C1GALT1: variants seen among roughly 807,000 people sequenced by gnomAD.
The protein encoded by C1GALT1 is core 1 synthase, glycoprotein-N-acetylgalactosamine 3-beta-galactosyltransferase 1.
C1GALT1 carries 11 observed loss-of-function variants against 31.0 expected under a neutral mutation model. The observed-to-expected ratio is 0.36, with a 90% CI of 0.22 to 0.59. The LOEUF (loss-of-function observed/expected upper bound fraction) is 0.59. Ranked by LOEUF, C1GALT1 falls within the 20% of genes least tolerant of loss-of-function variation. The pLI, the probability that C1GALT1 is intolerant of heterozygous loss-of-function variation, is 0.79. For missense variants in C1GALT1, 424 were observed against 425.2 expected (o/e 1.00, Z 0.03); for synonymous variants, 175 against 143.6 (o/e 1.22, Z -1.56).
At position 7,238,438 on chromosome 7, in the gene C1GALT1, A is replaced by T; in HGVS notation, c.404A>T (p.Lys135Ile). Residue 135 changes from lysine (K) to isoleucine (I), a missense_variant, in exon 3 of 4, where the codon AAA becomes ATA. Physicochemically the swap from Lys to Ile is moderately radical, Grantham distance 102. This residue lies in a region of C1GALT1 where 189 missense variants were observed against 158.2 expected (regional missense o/e 1.19). Transcript: ENST00000436587. The surrounding 1 kb of genome is among the most constrained non-coding windows in gnomAD (Gnocchi z 5.2). ...ENKDFPAVGL[K>I]TKEGRDQLYW... Reference sequence around the variant, plus strand: ...AAAGACTTCCCTGCTGTGGGACTGAAAACCAAAGAAGGCAGAGATCAACTA... The same window carrying T: ...AAAGACTTCCCTGCTGTGGGACTGATAACCAAAGAAGGCAGAGATCAACTA... 1.2e-6 allele frequency: 2 copies of T among 1,613,934 alleles called. No individual in the cohort carries two copies. Among genetic ancestry groups the T allele is most frequent in the Non-Finnish European group, 1.7e-6 (2 of 1,179,966 alleles).
intron 1 of C1GALT1, among the ~76,000 whole-genome samples, chr7:7,183,073 A>G (rs557713390): frequency 9.1e-4 from 139 of 152,226 alleles, no homozygotes; most frequent in African/African-American, 3.2e-3. Context: ...TTTTGTGGAC[A>G]TGTACCCTCC....
chr7:7,161,510 A>G (rs1387716595), intron 2 of C1GALT1, among the ~76,000 whole-genome samples: 2 of 152,152 alleles, frequency 1.3e-5, no homozygotes, highest in African/African-American at 4.8e-5. Flanking sequence ...ACTTTTTATT[A>G]TAAGAGTTGC....
intron 2 of C1GALT1, among the ~76,000 whole-genome samples, chr7:7,237,576 A>T (rs1046686384): frequency 2.6e-5 from 4 of 152,176 alleles, no homozygotes; most frequent in Non-Finnish European, 5.9e-5. Flanking sequence ...TGGAATTCCC[A>T]TGTCTACCAT....
intron 1 of C1GALT1, among the ~76,000 whole-genome samples, chr7:7,187,064 G>C (rs4720727): frequency 0.54 from 82,456 of 152,070 alleles, 24,099 homozygotes; most frequent in East Asian, 0.95. Context: ...AATGTTGTTG[G>C]AGTAGTTAAA....
chr7:7,183,102 C>T (rs1035225437), intron 1 of C1GALT1, among the ~76,000 whole-genome samples: 63 of 152,270 alleles, frequency 4.1e-4, no homozygotes, highest in Non-Finnish European at 8.2e-4. Context: ...GTGGGTCCTT[C>T]CCTTGTGCCC....
intron 1 of C1GALT1, among the ~76,000 whole-genome samples, chr7:7,229,580 G>A (rs1286110923): frequency 2.0e-5 from 3 of 152,032 alleles, no homozygotes; most frequent in African/African-American, 7.3e-5. Flanking sequence ...GTTCTCTCTG[G>A]CTGTTTGAAT....
At chr7:7,231,385 T>G (rs1783064965) in intron 1 of C1GALT1, among the ~76,000 whole-genome samples, 1 of 152,144 alleles carries the variant, frequency 6.6e-6, no homozygotes, top group South Asian at 2.1e-4. Context: ...TATTCAGTCA[T>G]TATTTCTTTA....
At chr7:7,233,459 G>C (rs1783184790) in intron 1 of C1GALT1, among the ~76,000 whole-genome samples, 1 of 152,138 alleles carries the variant, frequency 6.6e-6, no homozygotes. Context: ...ACCATGCCCA[G>C]CTAATTTTTT....
chr7:7,168,021 T>G (rs563057763), intron 2 of C1GALT1, among the ~76,000 whole-genome samples: 1 of 152,224 alleles, frequency 6.6e-6, no homozygotes. Context: ...TAAAGAAGCA[T>G]GTTCTCCACA....
chr7:7,200,582 G>C (rs2128235462), intron 1 of C1GALT1, among the ~76,000 whole-genome samples: 1 of 152,288 alleles, frequency 6.6e-6, no homozygotes, highest in South Asian at 2.1e-4. Flanking sequence ...ATTATATCCT[G>C]AAGAGTGTTT....
At chr7:7,196,733 T>C (rs948380887) in intron 1 of C1GALT1, among the ~76,000 whole-genome samples, 1 of 152,204 alleles carries the variant, frequency 6.6e-6, no homozygotes, top group Admixed American at 6.5e-5. Context: ...CTGTTGTTTC[T>C]TGACTTTTTA....
chr7:7,234,089 C>A (rs891950761), intron 1 of C1GALT1, among the ~76,000 whole-genome samples: 10 of 152,184 alleles, frequency 6.6e-5, no homozygotes, highest in African/African-American at 2.2e-4. Flanking sequence ...ATCCATACCC[C>A]ACCCCAACTG....
At chr7:7,218,155 C>T (rs1782335120) in intron 1 of C1GALT1, among the ~76,000 whole-genome samples, 1 of 152,084 alleles carries the variant, frequency 6.6e-6, no homozygotes, top group East Asian at 1.9e-4. Flanking sequence ...AAGTTAGTTA[C>T]AGGTCTGTGG....
At chr7:7,214,336 TCATG>T (rs1183796895) in intron 1 of C1GALT1, among the ~76,000 whole-genome samples, 2 of 152,156 alleles carry the variant, frequency 1.3e-5, no homozygotes, top group Non-Finnish European at 2.9e-5. Flanking sequence ...TTAGGACCTC[TCATG>T]CATGCATTAA....
chr7:7,231,847 G>A (rs952683491), intron 1 of C1GALT1, among the ~76,000 whole-genome samples: 41 of 152,026 alleles, frequency 2.7e-4, no homozygotes, highest in African/African-American at 9.2e-4. Context: ...TATTTCTCCA[G>A]GAGAATATTT....
chr7:7,236,890 G>A (rs2128250246), intron 2 of C1GALT1, among the ~76,000 whole-genome samples: 1 of 152,252 alleles, frequency 6.6e-6, no homozygotes, highest in Non-Finnish European at 1.5e-5. Flanking sequence ...TGGTTAACTA[G>A]TATATTATAT....
Position 7,238,694 on chromosome 7 carries a change from G to A in C1GALT1, c.660G>A (p.Leu220=). The A allele has an allele frequency of 1.2e-6, 2 of 1,614,046 alleles. No individual in the cohort carries two copies. The highest frequency in any genetic ancestry group is 2.2e-5 in the East Asian group (1 of 44,870). Residue 220 remains leucine (L), a synonymous_variant, in exon 3 of 4, where the codon TTG becomes TTA. Coordinates refer to ENST00000436587, the MANE Select transcript of C1GALT1 (RefSeq NM_020156.5). This position sits in a 1 kb window ranked among gnomAD's most constrained non-coding sequence, Gnocchi z 5.2. ...GATATGTACTAAGCAAAGAAGCCTT[G>A]AAAAGATTTGTTGATGCATTTAAAA... ...GAGYVLSKEA[L]KRFVDAFKTD...
At chr7:7,226,987 A>G (rs1290388442) in intron 1 of C1GALT1, among the ~76,000 whole-genome samples, 3 of 152,234 alleles carry the variant, frequency 2.0e-5, no homozygotes, top group East Asian at 3.8e-4. Flanking sequence ...CACATTTCAC[A>G]GCAAGAAATC....
chr7:7,225,206 TTCTC>T (rs1283230777), intron 1 of C1GALT1, among the ~76,000 whole-genome samples: 2 of 152,204 alleles, frequency 1.3e-5, no homozygotes, highest in Non-Finnish European at 2.9e-5. Context: ...ATCAATTTAT[TTCTC>T]TCTTTTTTAA....
Sources: allele counts gnomAD v4.1 joint callset (sites outside exome capture counted in the v4.1 genomes callset), GRCh38; gene constraint gnomAD v4.1.1; regional missense constraint gnomAD v4.1.1; non-coding constraint Gnocchi (gnomAD v3.1); transcripts MANE v1.5; gene names NCBI Gene and HGNC (gene_info 2026-07-23, HGNC 2026-07-21).